The following EN2 variants were observed in gnomAD, a reference collection of about 807,000 sequenced individuals.
EN2 encodes homeobox protein engrailed-2.
Under a neutral mutation model 25.0 loss-of-function variants are expected in EN2, and 7 were observed. That is an observed-to-expected ratio of 0.28 (90% confidence interval 0.16 to 0.53). The LOEUF is 0.53. Among genes scored for constraint, EN2 ranks in the 20% least tolerant of loss-of-function variants. The probability of loss-of-function intolerance (pLI) is 0.96; values close to 1 mark genes in which losing one functional copy is unlikely to be tolerated. For missense variants in EN2, 524 were observed against 501.8 expected (o/e 1.04, Z -0.42); for synonymous variants, 277 against 243.3 (o/e 1.14, Z -1.29).
Position 155,458,953 on chromosome 7 carries a change from G to C in EN2, c.576G>C (p.Ser192=). 6.6e-7 allele frequency: 1 copy of C among 1,526,106 alleles called. No individual in the cohort carries two copies. Among genetic ancestry groups the C allele is most frequent in the Non-Finnish European group, 8.7e-7 (1 of 1,144,908 alleles). The allele number at this position is 1,526,106 out of a possible 1,614,324, so 94.5% of individuals were successfully genotyped here. The change falls in exon 1 of 2, where the codon TCG becomes TCC. Residue 192 remains serine (S), a synonymous_variant. Transcript: ENST00000297375. The stretch of plus-strand genomic sequence containing the variant: ...GCGGCTTGGGCGGCGGCGACCTGTC[G>C]GTGAGCTCGGACTCGGACAGCTCGC... The part of the protein sequence containing the change: ...KARGLGGGDL[S]VSSDSDSSQA...
chr7:155,462,528 G>C lies in EN2; in HGVS notation c.843G>C (p.Leu281=), dbSNP rs775498885. ...GGCGCCAGAGCCTGGCGCAGGAGCT[G>C]AGCCTCAACGAGTCACAGATCAAGA... ...EQRRQSLAQE[L]SLNESQIKIW... is the part of the protein sequence containing the mutation. The change falls in exon 2 of 2, where the codon CTG becomes CTC. Residue 281 remains leucine, a synonymous_variant. Coordinates refer to ENST00000297375, the MANE Select transcript of EN2 (RefSeq NM_001427.4). 11 of 1,614,226 alleles carry C rather than the reference G, an allele frequency of 6.8e-6. No homozygotes were observed. The highest frequency in any genetic ancestry group is 9.3e-6 in the Non-Finnish European group (11 of 1,180,056).
chr7:155,461,492 G>A (rs575683805), intron 1 of EN2, among the ~76,000 whole-genome samples: 6 of 152,346 alleles, frequency 3.9e-5, no homozygotes, highest in African/African-American at 9.6e-5. Context: ...GCCAGGTCAG[G>A]TTCATAAGTC....
chr7:155,458,381 G>A lies in EN2; in HGVS notation c.4G>A (p.Glu2Lys). The change falls in exon 1 of 2, where the codon GAG (glutamate) becomes AAG (lysine). Residue 2 changes from glutamate to lysine, a missense_variant. By Grantham distance (56) the Glu-to-Lys change is moderately conservative. Transcript: ENST00000297375. ...TGTGGGATTTACTGTGAACAGCATG[G>A]AGGAGAATGACCCCAAGCCTGGCGA... M[E>K]ENDPKPGEAA... 4 of 1,314,720 alleles carry A rather than the reference G, an allele frequency of 3.0e-6. No homozygotes were observed. The South Asian group carries it at 1.2e-4, about 39-fold the overall frequency. 81.4% of individuals were successfully genotyped at this position (1,314,720 alleles called of 1,614,324 possible).
rs1332338328 is a variant in EN2 at position 155,458,279 on chromosome 7, GGTGGGGGCGCGGGGGTCTCC to G, written c.-95_-76del. On this transcript the variant is annotated 5_prime_UTR_variant, in exon 1 of 2. Transcript: ENST00000297375. ...CGCACGCCCTCGGAAGACTCGGCGG[GGTGGGGGCGCGGGGGTCTCC>G]GTGTGCGCCGCGGGAGGGCCGAAGG... is the stretch of plus-strand genomic sequence containing the variant. The G allele has an allele frequency of 4.0e-6, 5 of 1,242,096 alleles. No individual in the cohort carries two copies. The highest frequency in any genetic ancestry group is 5.1e-6 in the Non-Finnish European group (5 of 984,910). The allele number at this position is 1,242,096 out of a possible 1,614,324, so 76.9% of individuals were successfully genotyped here. A position where few individuals can be genotyped will look rare whatever the true frequency, so the allele number is the denominator to read the frequency against.
chr7:155,460,514 C>A (rs1296777013), intron 1 of EN2, among the ~76,000 whole-genome samples: 3 of 152,166 alleles, frequency 2.0e-5, no homozygotes, highest in Non-Finnish European at 4.4e-5. Flanking sequence ...AAGAAAAAAA[C>A]CTAAAAATTA....
Position 155,458,700 on chromosome 7 carries a change from G to A in EN2, c.323G>A (p.Gly108Asp). Reference sequence around the variant, plus strand: ...GCCGGCGGCGAAGGCGGCGCGAGCGGTGCGGAGGGAGGCGGCGGCGCGGGC... The same window carrying A: ...GCCGGCGGCGAAGGCGGCGCGAGCGATGCGGAGGGAGGCGGCGGCGCGGGC... ...GGAGGEGGAS[G>D]AEGGGGAGGS... The change falls in exon 1 of 2, where the codon GGT (glycine) becomes GAT (aspartate). Residue 108 changes from glycine to aspartate, a missense_variant. Transcript: ENST00000297375. The A allele has an allele frequency of 1.5e-6, 2 of 1,346,526 alleles. No homozygotes were observed. The highest frequency in any genetic ancestry group is 2.0e-5 in the South Asian group (1 of 50,492). 83.4% of individuals were successfully genotyped at this position (1,346,526 alleles called of 1,614,324 possible).
At chr7:155,459,828 T>TG (rs1795674643) in intron 1 of EN2, among the ~76,000 whole-genome samples, 1 of 152,232 alleles carries the variant, frequency 6.6e-6, no homozygotes, top group Non-Finnish European at 1.5e-5. Context: ...CAGGGTTTCC[T>TG]GGGGGCTGCT....
chr7:155,462,633 G>C lies in EN2; in HGVS notation c.948G>C (p.Gln316His), dbSNP rs1340509230. 6.2e-7 allele frequency: 1 copy of C among 1,611,474 alleles called. No individual in the cohort carries two copies. Among genetic ancestry groups the C allele is most frequent in the Admixed American group, 1.7e-5 (1 of 59,540 alleles). The change falls in exon 2 of 2, where the codon CAG (glutamine) becomes CAC (histidine). Residue 316 changes from glutamine to histidine, a missense_variant. By Grantham distance (24) the Gln-to-His change is conservative. Coordinates refer to ENST00000297375, the MANE Select transcript of EN2 (RefSeq NM_001427.4). ...KNTLAVHLMA[Q>H]GLYNHSTTAK... ...CGCTGGCCGTGCACCTCATGGCACAGGGCTTGTACAACCACTCCACCACAG... is the reference window on the plus strand; with the variant it reads ...CGCTGGCCGTGCACCTCATGGCACACGGCTTGTACAACCACTCCACCACAG...
At position 155,458,555 on chromosome 7, in the gene EN2, C is replaced by A; in HGVS notation, c.178C>A (p.His60Asn). The A allele has an allele frequency of 7.0e-7, 1 of 1,430,096 alleles. No homozygotes were observed. The highest frequency in any genetic ancestry group is 1.6e-5 in the South Asian group (1 of 63,294). The allele number at this position is 1,430,096 out of a possible 1,614,324, so 88.6% of individuals were successfully genotyped here. ...LPAVLQAPGN[H>N]QHPHRITNFF... ...CGCGGTCCTGCAGGCGCCCGGCAAC[C>A]ACCAGCACCCGCACCGCATCACCAA... Residue 60 changes from histidine (H) to asparagine (N), a missense_variant, in exon 1 of 2, where the codon CAC becomes AAC. Coordinates refer to ENST00000297375, the MANE Select transcript of EN2 (RefSeq NM_001427.4).
chr7:155,459,087 C>T, intron 1 of EN2, 25 bp downstream of exon 1: 10 of 1,544,948 alleles, frequency 6.5e-6, no homozygotes, highest in Non-Finnish European at 8.6e-6. Flanking sequence ...ACCACGCGTC[C>T]CGGCTCGCCG....
Position 155,458,499 on chromosome 7 carries a change from A to T in EN2, c.122A>T (p.Asp41Val). 1 of 1,316,148 alleles carries T rather than the reference A, an allele frequency of 7.6e-7. No individual in the cohort carries two copies. Among genetic ancestry groups the T allele is most frequent in the Non-Finnish European group, 9.7e-7 (1 of 1,030,986 alleles). 81.5% of individuals were successfully genotyped at this position (1,316,148 alleles called of 1,614,324 possible). A position where few individuals can be genotyped will look rare whatever the true frequency, so the allele number is the denominator to read the frequency against. The change falls in exon 1 of 2, where the codon GAC becomes GTC. Residue 41 changes from aspartate to valine, a missense_variant. Transcript: ENST00000297375. ...GGGGSSPGEA[D>V]TGRRRALMLP... is the part of the protein sequence containing the mutation. ...GGCGGTAGCAGCCCGGGCGAAGCGG[A>T]CACCGGGCGCCGGCGGGCTCTGATG...
rs1224912739 is a variant in EN2, at chr7:155,462,885, T to C, written c.*198T>C. 2 of 664,852 alleles carry C rather than the reference T, an allele frequency of 3.0e-6. No individual in the cohort carries two copies. Among genetic ancestry groups the C allele is most frequent in the Non-Finnish European group, 4.5e-6 (2 of 446,440 alleles). 41.2% of individuals were successfully genotyped at this position (664,852 alleles called of 1,614,324 possible). A position where few individuals can be genotyped will look rare whatever the true frequency, so the allele number is the denominator to read the frequency against. On this transcript the variant is annotated 3_prime_UTR_variant, in exon 2 of 2. Coordinates refer to ENST00000297375, the MANE Select transcript of EN2 (RefSeq NM_001427.4). The stretch of plus-strand genomic sequence containing the variant: ...AAATATCTGACTATAAAATATTTTT[T>C]TGAGTTTTTTGTGTTTATGAGATTA...
At position 155,458,785 on chromosome 7, in the gene EN2, G is replaced by T; in HGVS notation, c.408G>T (p.Ala136=). The change falls in exon 1 of 2, where the codon GCG becomes GCT. Residue 136 remains alanine, a synonymous_variant. Coordinates refer to ENST00000297375, the MANE Select transcript of EN2 (RefSeq NM_001427.4). ...SREPRQNPPC[A]PGAGGPLPAA... ...AGCCCCGGCAGAACCCGCCATGTGC[G>T]CCCGGCGCGGGCGGGCCGCTCCCAG... The T allele has an allele frequency of 7.2e-7, 1 of 1,388,946 alleles. No individual in the cohort carries two copies. Among genetic ancestry groups the T allele is most frequent in the African/African-American group, 1.5e-5 (1 of 65,406 alleles). 86.0% of individuals were successfully genotyped at this position (1,388,946 alleles called of 1,614,324 possible).
intron 1 of EN2, among the ~76,000 whole-genome samples, chr7:155,461,418 T>A (rs1272722603): frequency 6.6e-6 from 1 of 152,180 alleles, no homozygotes; most frequent in African/African-American, 2.4e-5. Flanking sequence ...TCCCCATGGA[T>A]AGCAGGTCCT....
Position 155,458,914 on chromosome 7 carries a change from G to T in EN2, c.537G>T (p.Gly179=). 6.6e-7 allele frequency: 1 copy of T among 1,513,440 alleles called. No homozygotes were observed. The highest frequency in any genetic ancestry group is 8.8e-7 in the Non-Finnish European group (1 of 1,138,236). The allele number at this position is 1,513,440 out of a possible 1,614,324, so 93.8% of individuals were successfully genotyped here. A position where few individuals can be genotyped will look rare whatever the true frequency, so the allele number is the denominator to read the frequency against. ...KGGDPGGPLD[G]SLKARGLGGG... Reference sequence around the variant, plus strand: ...GCGACCCCGGCGGCCCCCTGGACGGGTCGCTCAAGGCCCGCGGCTTGGGCG... The same window carrying T: ...GCGACCCCGGCGGCCCCCTGGACGGTTCGCTCAAGGCCCGCGGCTTGGGCG... The change falls in exon 1 of 2, where the codon GGG becomes GGT. Residue 179 remains glycine (G), a synonymous_variant. Transcript: ENST00000297375.
chr7:155,458,658 G>A lies in EN2; in HGVS notation c.281G>A (p.Gly94Glu), dbSNP rs770265478. ...GGGACCTGCTGTGCGGGCGCGGGAG[G>A]AGGAAGGGGCGGCGGAGCCGGCGGC... ...DAGTCCAGAGGGRGGGAGGEG... is the reference protein window; with the variant it reads ...DAGTCCAGAGEGRGGGAGGEG... The change falls in exon 1 of 2, where the codon GGA (glycine) becomes GAA (glutamate). Residue 94 changes from glycine to glutamate, a missense_variant. Physicochemically the swap from Gly to Glu is moderately conservative, Grantham distance 98. Coordinates refer to ENST00000297375, the MANE Select transcript of EN2 (RefSeq NM_001427.4). 28 of 1,392,230 alleles carry A rather than the reference G, an allele frequency of 2.0e-5. No homozygotes were observed. In the African/African-American group the frequency reaches 2.9e-4, roughly 14 times the overall value. The allele number at this position is 1,392,230 out of a possible 1,614,324, so 86.2% of individuals were successfully genotyped here. A position where few individuals can be genotyped will look rare whatever the true frequency, so the allele number is the denominator to read the frequency against.
intron 1 of EN2, among the ~76,000 whole-genome samples, chr7:155,462,009 C>T (rs1216269981): frequency 6.6e-6 from 1 of 152,174 alleles, no homozygotes; most frequent in African/African-American, 2.4e-5. Context: ...TACCGCCATC[C>T]CTGTTCCTGA....
At chr7:155,459,549 C>G (rs1373682700) in intron 1 of EN2, among the ~76,000 whole-genome samples, 1 of 152,252 alleles carries the variant, frequency 6.6e-6, no homozygotes, top group Non-Finnish European at 1.5e-5. Flanking sequence ...TCCTACCATC[C>G]GGTTATCCCG....
Position 155,464,167 on chromosome 7 carries a change from T to C in EN2, c.*1480T>C, listed in dbSNP as rs560665142. On this transcript the variant is annotated 3_prime_UTR_variant, in exon 2 of 2. Transcript: ENST00000297375. ...TTTTGTCTTTTCTTGTTTTTTAAAA[T>C]ATACATTTTATTTTTGAAGGTGTGG... The C allele has an allele frequency of 2.0e-5, 3 of 152,376 alleles. No homozygotes were observed. The highest frequency in any genetic ancestry group is 4.1e-4 in the South Asian group (2 of 4,830). 9.4% of individuals were successfully genotyped at this position (152,376 alleles called of 1,614,324 possible). A position where few individuals can be genotyped will look rare whatever the true frequency, so the allele number is the denominator to read the frequency against.
Sources: gnomAD v4.1 joint callset for allele counts (sites outside exome capture counted in the v4.1 genomes callset) on GRCh38, gnomAD v4.1.1 for gene constraint, MANE v1.5 for transcripts, NCBI Gene and HGNC (gene_info 2026-07-23, HGNC 2026-07-21) for gene names.